The following RBFOX1 variants were observed in gnomAD, a reference collection of about 807,000 sequenced individuals.
RBFOX1 encodes the protein RNA binding fox-1 homolog 1.
RBFOX1 carries 8 observed loss-of-function variants against 57.7 expected under a neutral mutation model. The ratio of observed to expected loss-of-function variants is 0.14; its 90% confidence interval spans 0.08 to 0.25. The LOEUF is 0.25. Among genes scored for constraint, RBFOX1 ranks in the 10% least tolerant of loss-of-function variants. The pLI, the probability that RBFOX1 is intolerant of heterozygous loss-of-function variation, is 1.00. For missense variants in RBFOX1, 611 were observed against 548.5 expected, an observed-to-expected ratio of 1.11 and a Z score of -1.14; for synonymous variants, 326 against 222.4, an observed-to-expected ratio of 1.47 and a Z score of -4.15.
intron 4 of RBFOX1, among the ~76,000 whole-genome samples, chr16:7,298,775 A>G (rs986659128): frequency 9.2e-5 from 14 of 152,230 alleles, no homozygotes; most frequent in African/African-American, 3.4e-4. Context: ...CATATTTACT[A>G]TTGATCAAGT....
chr16:7,453,620 A>C (rs1024095170), intron 4 of RBFOX1, among the ~76,000 whole-genome samples: 1 of 152,156 alleles, frequency 6.6e-6, no homozygotes, highest in African/African-American at 2.4e-5. Flanking sequence ...AGTTTCATAC[A>C]CATGTTAAAG....
chr16:7,460,587 G>A (rs2059405219), intron 4 of RBFOX1, among the ~76,000 whole-genome samples: 1 of 150,204 alleles, frequency 6.7e-6, no homozygotes, highest in Non-Finnish European at 1.5e-5. Flanking sequence ...TAGGAGGATG[G>A]AAAGGATCAA....
intron 4 of RBFOX1, among the ~76,000 whole-genome samples, chr16:5,993,287 G>C (rs1393703055): frequency 2.0e-5 from 3 of 151,904 alleles, no homozygotes; most frequent in African/African-American, 7.3e-5. Flanking sequence ...GCATGTATGT[G>C]AAAACCACAA....
intron 3 of RBFOX1, among the ~76,000 whole-genome samples, chr16:5,700,810 A>T (rs577399171): frequency 6.6e-6 from 1 of 152,194 alleles, no homozygotes; most frequent in African/African-American, 2.4e-5. Context: ...TATCCTTCCT[A>T]TGATCTCAAT....
At chr16:6,214,938 C>G (rs1188487847) in intron 1 of RBFOX1, among the ~76,000 whole-genome samples, 525 of 32,462 alleles carry the variant, frequency 0.016, no homozygotes, top group Middle Eastern at 0.025. Flanking sequence ...GGGAGAGGGA[C>G]AGGGAGAGAG....
chr16:6,787,796 T>C (rs560055189), intron 3 of RBFOX1, among the ~76,000 whole-genome samples: 2 of 152,332 alleles, frequency 1.3e-5, no homozygotes, highest in South Asian at 4.1e-4. Flanking sequence ...TCTTCCTCCA[T>C]AATACAACTT....
intron 3 of RBFOX1, among the ~76,000 whole-genome samples, chr16:6,667,264 C>T (rs557797321): frequency 6.6e-6 from 1 of 152,104 alleles, no homozygotes; most frequent in Non-Finnish European, 1.5e-5. Context: ...ACAGTGGTAA[C>T]CCAGAGAGTG....
intron 3 of RBFOX1, among the ~76,000 whole-genome samples, chr16:6,890,556 A>C (rs1404627514): frequency 6.6e-6 from 1 of 152,166 alleles, no homozygotes; most frequent in Non-Finnish European, 1.5e-5. Flanking sequence ...AGAATGTTTG[A>C]ATGGGTTGTG....
At chr16:7,695,403 AC>A (rs917793243) in intron 14 of RBFOX1, among the ~76,000 whole-genome samples, 1 of 149,066 alleles carries the variant, frequency 6.7e-6, no homozygotes, top group Non-Finnish European at 1.5e-5. Flanking sequence ...TGCTGAAAAA[AC>A]CTGCTTTGGG....
In RBFOX1 at chr16:7,713,024, T is replaced by C. The variant is rs976116652; in HGVS notation, c.*2279T>C. 7 of 152,360 alleles carry C rather than the reference T, an allele frequency of 4.6e-5. No individual in the cohort carries two copies. The East Asian group carries it at 1.3e-3, about 29-fold the overall frequency. 9.4% of individuals were successfully genotyped at this position (152,360 alleles called of 1,614,324 possible). On this transcript the variant is annotated 3_prime_UTR_variant, in exon 16 of 16. Coordinates refer to ENST00000550418, the MANE Select transcript of RBFOX1 (RefSeq NM_018723.4). The stretch of plus-strand genomic sequence containing the variant: ...AACCGATGTTGCAGAATCTTTTGTC[T>C]AGGCACTCCAAGATGCCAATAAGTC...
chr16:5,608,765 T>C (rs1341156421), intron 3 of RBFOX1, among the ~76,000 whole-genome samples: 1 of 152,216 alleles, frequency 6.6e-6, no homozygotes, highest in Non-Finnish European at 1.5e-5. Flanking sequence ...CCCTATCCTC[T>C]GAAGGTAGCT....
At chr16:7,145,944 A>AC (rs1409752755) in intron 4 of RBFOX1, among the ~76,000 whole-genome samples, 2 of 152,008 alleles carry the variant, frequency 1.3e-5, no homozygotes, top group African/African-American at 4.8e-5. Context: ...GGACAGGTGC[A>AC]CCCTCCTTCA....
intron 1 of RBFOX1, among the ~76,000 whole-genome samples, chr16:6,094,790 A>G (rs1484926743): frequency 6.6e-6 from 1 of 152,248 alleles, no homozygotes; most frequent in Middle Eastern, 3.2e-3. Flanking sequence ...GGGGCTGGCC[A>G]TGGTGGCTCA....
intron 14 of RBFOX1, among the ~76,000 whole-genome samples, chr16:7,702,569 G>A (rs2081106662): frequency 6.6e-6 from 1 of 152,206 alleles, no homozygotes; most frequent in Non-Finnish European, 1.5e-5. Context: ...TTGGATGAGA[G>A]AAGGAAGTAA....
chr16:6,599,143 G>C (rs538363075), intron 2 of RBFOX1, among the ~76,000 whole-genome samples: 2 of 152,130 alleles, frequency 1.3e-5, no homozygotes, highest in Admixed American at 6.6e-5. Flanking sequence ...CGTTATCCAT[G>C]TACTTGTACA....
intron 1 of RBFOX1, among the ~76,000 whole-genome samples, chr16:5,357,614 T>G (rs2151329539): frequency 6.6e-6 from 1 of 152,298 alleles, no homozygotes; most frequent in East Asian, 1.9e-4. Context: ...ATTCTAAACT[T>G]GTAACAAACT....
intron 4 of RBFOX1, among the ~76,000 whole-genome samples, chr16:7,237,839 A>G (rs2093848832): frequency 6.6e-6 from 1 of 152,110 alleles, no homozygotes; most frequent in Non-Finnish European, 1.5e-5. Flanking sequence ...AAACTCAACT[A>G]CTCAAAATAG....
At chr16:6,505,276 G>C (rs926018624) in intron 2 of RBFOX1, among the ~76,000 whole-genome samples, 1 of 152,074 alleles carries the variant, frequency 6.6e-6, no homozygotes, top group Non-Finnish European at 1.5e-5. Flanking sequence ...GAAATGTGAA[G>C]CTTGTAGACA....
chr16:5,850,980 C>G (rs2056883863), intron 3 of RBFOX1, among the ~76,000 whole-genome samples: 4 of 152,198 alleles, frequency 2.6e-5, no homozygotes, highest in Admixed American at 2.6e-4. Context: ...CATGCATCCT[C>G]TGAGCTAAGC....
Sources: gnomAD v4.1 joint callset for allele counts (sites outside exome capture counted in the v4.1 genomes callset) on GRCh38, gnomAD v4.1.1 for gene constraint, MANE v1.5 for transcripts, NCBI Gene and HGNC (gene_info 2026-07-23, HGNC 2026-07-21) for gene names.